PTPN23: variants seen among roughly 807,000 people sequenced by gnomAD.
PTPN23 encodes the protein protein tyrosine phosphatase non-receptor type 23.
A neutral mutation model predicts 156.3 loss-of-function variants in PTPN23; 72 were observed. The ratio of observed to expected loss-of-function variants is 0.46; its 90% CI spans 0.38 to 0.56. PTPN23 has a LOEUF of 0.56. Ranked by LOEUF, PTPN23 falls within the 20% of genes least tolerant of loss-of-function variation. The pLI is 0.00. For missense variants in PTPN23, 1,974 were observed against 2,171.5 expected (o/e 0.91, Z 1.81); for synonymous variants, 957 against 899.6 (o/e 1.06, Z -1.14).
Position 47,411,102 on chromosome 3 carries a change from C to G in PTPN23, c.3304C>G (p.Pro1102Ala). 6.2e-7 allele frequency: 1 copy of G among 1,604,816 alleles called. No individual in the cohort carries two copies. Among genetic ancestry groups the G allele is most frequent in the Non-Finnish European group, 8.5e-7 (1 of 1,176,652 alleles). The change falls in exon 20 of 25, where the codon CCA becomes GCA. Residue 1102 changes from proline to alanine, a missense_variant. Pro to Ala is a conservative substitution (Grantham distance 27, BLOSUM62 -1). Coordinates refer to ENST00000265562, the MANE Select transcript of PTPN23 (RefSeq NM_015466.4). This position sits in a 1 kb window ranked among gnomAD's most constrained non-coding sequence, Gnocchi z 6.3. ...PGPGPVPPRP[P>A]AAEPPPCLRR... ...GCCTGGTCCGGTACCCCCTCGCCCC[C>G]CAGCAGCAGAACCACCCCCTTGCCT...
At chr3:47,385,768 G>A (rs779845758) in intron 1 of PTPN23, among the ~76,000 whole-genome samples, 1 of 152,142 alleles carries the variant, frequency 6.6e-6, no homozygotes, top group African/African-American at 2.4e-5. Flanking sequence ...TGTACATCTG[G>A]CTGGTAGCCA....
rs1052685888 is a variant in PTPN23, at chr3:47,411,123, T to C, written c.3325T>C (p.Cys1109Arg). Residue 1109 changes from cysteine (C) to arginine (R), a missense_variant, in exon 20 of 25, where the codon TGC (cysteine) becomes CGC (arginine). Around this residue, in one of 4 missense-constraint regions of PTPN23, gnomAD observed 731 missense variants for 669.1 expected, o/e 1.09. Coordinates refer to ENST00000265562, the MANE Select transcript of PTPN23 (RefSeq NM_015466.4). The surrounding 1 kb of genome is among the most constrained non-coding windows in gnomAD (Gnocchi z 6.3). ...PRPPAAEPPP[C>R]LRRGAAAADL... ...CCCCCCAGCAGCAGAACCACCCCCT[T>C]GCCTGCGCCGAGGCGCCGCAGCTGC... 1 of 1,602,450 alleles carries C rather than the reference T, an allele frequency of 6.2e-7. No individual in the cohort carries two copies. Among genetic ancestry groups the C allele is most frequent in the African/African-American group, 1.3e-5 (1 of 74,464 alleles).
In PTPN23 at chr3:47,399,329, G is replaced by A. The variant is rs189149881; in HGVS notation, c.159+3112G>A. 9.7e-4 allele frequency among the ~76,000 whole-genome samples: 148 copies of A among 152,212 alleles called. 3 individuals carry two copies. The highest frequency in any genetic ancestry group is 3.3e-3 in the African/African-American group (139 of 41,524). ...GTACTGTCAAAGCCTTTGCCTAGAA[G>A]TTGCAAGCCTTTAATAGACTCCAGA... On this transcript the variant is annotated intron_variant, in intron 2 of 24. Transcript: ENST00000265562.
At position 47,407,761 on chromosome 3, in the gene PTPN23, C is replaced by A; in HGVS notation, c.1068C>A (p.Ile356=). 1 of 1,614,158 alleles carries A rather than the reference C, an allele frequency of 6.2e-7. No homozygotes were observed. Among genetic ancestry groups the A allele is most frequent in the African/African-American group, 1.3e-5 (1 of 75,050 alleles). ...ACCCAGCTGTTACAGGCCCTGACAT[C>A]TTTGCCAAACTGGTACCCATGGCTG... is the stretch of plus-strand genomic sequence containing the variant. ...PTDPAVTGPD[I]FAKLVPMAAH... The change falls in exon 13 of 25, where the codon ATC becomes ATA. Residue 356 remains isoleucine (I), a synonymous_variant. Coordinates refer to ENST00000265562, the MANE Select transcript of PTPN23 (RefSeq NM_015466.4). This position sits in a 1 kb window ranked among gnomAD's most constrained non-coding sequence, Gnocchi z 4.0.
chr3:47,409,852 G>C lies in PTPN23; in HGVS notation c.2129+18G>C, dbSNP rs1705221393. ...CTGGACAGGTTTGTGTGGCCCTGGG[G>C]CTGTGGTGCGGCTCGGGTCCAGACA... On this transcript the variant is annotated intron_variant, in intron 19 of 24. Coordinates refer to ENST00000265562, the MANE Select transcript of PTPN23 (RefSeq NM_015466.4). 1 of 1,605,800 alleles carries C rather than the reference G, an allele frequency of 6.2e-7. No individual in the cohort carries two copies.
In PTPN23 at chr3:47,396,236, CT is replaced by C. The variant is rs746022578; in HGVS notation, c.159+24del. On this transcript the variant is annotated intron_variant, in intron 2 of 24. Transcript: ENST00000265562. ...CAGACAGGTAGGAGGATAGTATTAT[CT>C]TTTTATGCATGGGTAGACAGGATTG... The C allele has an allele frequency of 1.6e-5, 25 of 1,588,870 alleles. No individual in the cohort carries two copies. Among genetic ancestry groups the C allele is most frequent in the Non-Finnish European group, 2.1e-5 (24 of 1,159,444 alleles).
intron 2 of PTPN23, among the ~76,000 whole-genome samples, chr3:47,403,936 G>C (rs1403381679): frequency 6.6e-6 from 1 of 152,152 alleles, no homozygotes; most frequent in Non-Finnish European, 1.5e-5. Context: ...TTTAGATACA[G>C]AACTGTAGGT....
In PTPN23 at chr3:47,408,976, A is replaced by C; in HGVS notation, c.1531A>C (p.Thr511Pro). The C allele has an allele frequency of 6.2e-7, 1 of 1,614,178 alleles. No homozygotes were observed. The highest frequency in any genetic ancestry group is 8.5e-7 in the Non-Finnish European group (1 of 1,180,020). Reference protein sequence around the residue: ...YMEVHEKASFTNSELHRAMNL... With the variant: ...YMEVHEKASFPNSELHRAMNL... Reference sequence around the variant, plus strand: ...GGAAGTCCATGAGAAGGCCTCCTTCACCAACAGTGAGCTGCACCGTGCCAT... The same window carrying C: ...GGAAGTCCATGAGAAGGCCTCCTTCCCCAACAGTGAGCTGCACCGTGCCAT... Residue 511 changes from threonine to proline, a missense_variant, in exon 16 of 25, where the codon ACC becomes CCC. Thr to Pro is a conservative substitution (Grantham distance 38). Transcript: ENST00000265562.
intron 1 of PTPN23, among the ~76,000 whole-genome samples, chr3:47,387,888 C>G (rs1180467223): frequency 5.9e-5 from 9 of 152,302 alleles, no homozygotes; most frequent in African/African-American, 2.2e-4. Context: ...ACTATCATTG[C>G]TTATCTGTGG....
intron 1 of PTPN23, among the ~76,000 whole-genome samples, chr3:47,390,241 AAAAAC>A (rs1275837402): frequency 1.3e-5 from 2 of 152,164 alleles, no homozygotes; most frequent in African/African-American, 2.4e-5. Flanking sequence ...TAAAAAAACA[AAAAAC>A]AAAAACCAAG....
chr3:47,395,554 C>G (rs953170116), intron 1 of PTPN23, among the ~76,000 whole-genome samples: 1 of 152,230 alleles, frequency 6.6e-6, no homozygotes, highest in Non-Finnish European at 1.5e-5. Context: ...AGTGCTCTCT[C>G]TGATGTGGGT....
At chr3:47,404,905 C>G in intron 3 of PTPN23, 100 bp from the exon 4 acceptor site, 1 of 1,583,964 alleles carries the variant, frequency 6.3e-7, no homozygotes, top group Non-Finnish European at 8.6e-7. Context: ...TCCCCCCAGG[C>G]CTCCCCACAT....
intron 1 of PTPN23, among the ~76,000 whole-genome samples, chr3:47,389,745 CAGG>C (rs1704729773): frequency 6.8e-6 from 1 of 148,040 alleles, no homozygotes; most frequent in Non-Finnish European, 1.5e-5. Flanking sequence ...GAGGCTGAGG[CAGG>C]AGAATGGCGT....
At position 47,409,555 on chromosome 3, in the gene PTPN23, G is replaced by A. The variant is rs76083258; in HGVS notation, c.1936G>A (p.Asp646Asn). 2.3e-5 allele frequency: 37 copies of A among 1,613,492 alleles called. No individual in the cohort carries two copies. The highest frequency in any genetic ancestry group is 1.8e-4 in the South Asian group (16 of 91,000). Residue 646 changes from aspartate (D) to asparagine (N), a missense_variant, in exon 18 of 25, where the codon GAC becomes AAC. This residue lies in a region of PTPN23 where 726 missense variants were observed against 929.5 expected (regional missense o/e 0.78). Coordinates refer to ENST00000265562, the MANE Select transcript of PTPN23 (RefSeq NM_015466.4). ...CGCAGCCGTGCGGCGGGTACTCAGC[G>A]ACTTGGACCAAAAGTCAGTGCCCAG... is the stretch of plus-strand genomic sequence containing the variant. ...QYAAVRRVLSDLDQKWNSTLQ... is the reference protein window; with the variant it reads ...QYAAVRRVLSNLDQKWNSTLQ...
Position 47,411,394 on chromosome 3 carries a change from A to G in PTPN23, c.3596A>G (p.Gln1199Arg). Residue 1199 changes from glutamine (Q) to arginine (R), a missense_variant, in exon 20 of 25, where the codon CAA becomes CGA. By Grantham distance (43) the Gln-to-Arg change is conservative. This residue lies in a region of PTPN23 where 731 missense variants were observed against 669.1 expected (regional missense o/e 1.09). Transcript: ENST00000265562. The surrounding 1 kb of genome is among the most constrained non-coding windows in gnomAD (Gnocchi z 6.3). ...GALDTVWREL[Q>R]DAQEHDARGR... ...CTGGACACTGTCTGGCGAGAGCTGC[A>G]AGATGCGCAGGAACATGATGCCCGA... 1 of 1,613,046 alleles carries G rather than the reference A, an allele frequency of 6.2e-7. No homozygotes were observed. Among genetic ancestry groups the G allele is most frequent in the Non-Finnish European group, 8.5e-7 (1 of 1,180,010 alleles).
At chr3:47,393,787 T>A (rs896233400) in intron 1 of PTPN23, among the ~76,000 whole-genome samples, 3 of 151,968 alleles carry the variant, frequency 2.0e-5, no homozygotes, top group Non-Finnish European at 4.4e-5. Flanking sequence ...TATTATTATT[T>A]TTGGAAACAG....
At position 47,407,005 on chromosome 3, in the gene PTPN23, G is replaced by T. The variant is rs949087347; in HGVS notation, c.808-125G>T. 1.5e-5 allele frequency: 19 copies of T among 1,297,102 alleles called. No individual in the cohort carries two copies. The highest frequency in any genetic ancestry group is 1.9e-4 in the Middle Eastern group (1 of 5,210). 80.3% of individuals were successfully genotyped at this position (1,297,102 alleles called of 1,614,324 possible). A position where few individuals can be genotyped will look rare whatever the true frequency, so the allele number is the denominator to read the frequency against. Reference sequence around the variant, plus strand: ...GCGCCACCTTGCTGCTGTTGGCTGGGGTGGTGCCCGGCTGCCTCCTGAGCT... The same window carrying T: ...GCGCCACCTTGCTGCTGTTGGCTGGTGTGGTGCCCGGCTGCCTCCTGAGCT... On this transcript the variant is annotated intron_variant, in intron 9 of 24. Coordinates refer to ENST00000265562, the MANE Select transcript of PTPN23 (RefSeq NM_015466.4). This position sits in a 1 kb window ranked among gnomAD's most constrained non-coding sequence, Gnocchi z 4.0.
Position 47,406,639 on chromosome 3 carries a change from G to GCAGGGCGGGGCTGAGTGGCCA in PTPN23, c.759+31_760-40dup. 6.2e-7 allele frequency: 1 copy of GCAGGGCGGGGCTGAGTGGCCA among 1,613,908 alleles called. No individual in the cohort carries two copies. The highest frequency in any genetic ancestry group is 8.5e-7 in the Non-Finnish European group (1 of 1,179,972). Reference sequence around the variant, plus strand: ...TGAGGGCCTGGGGCCCCAGGGCGGGGCAGGGCGGGGCTGAGTGGCCACAGC... The same window carrying GCAGGGCGGGGCTGAGTGGCCA: ...TGAGGGCCTGGGGCCCCAGGGCGGGGCAGGGCGGGGCTGAGTGGCCACAGGGCGGGGCTGAGTGGCCACAGC... On this transcript the variant is annotated intron_variant, in intron 8 of 24. Coordinates refer to ENST00000265562, the MANE Select transcript of PTPN23 (RefSeq NM_015466.4). The surrounding 1 kb of genome is among the most constrained non-coding windows in gnomAD (Gnocchi z 5.8).
chr3:47,410,270 C>T lies in PTPN23; in HGVS notation c.2472C>T (p.Ala824=), dbSNP rs367972360. The change falls in exon 20 of 25, where the codon GCC becomes GCT. Residue 824 remains alanine (A), a synonymous_variant. Transcript: ENST00000265562. ...CACCTGGGCCTGCCCTCTACCCAGCCCCTGCCTACACACCGGAGCTGGGCC... is the reference window on the plus strand; with the variant it reads ...CACCTGGGCCTGCCCTCTACCCAGCTCCTGCCTACACACCGGAGCTGGGCC... ...PVAPGPALYP[A]PAYTPELGLV... is the part of the protein sequence containing the mutation. 80 of 1,609,064 alleles carry T rather than the reference C, an allele frequency of 5.0e-5. No homozygotes were observed. The highest frequency in any genetic ancestry group is 6.5e-5 in the Non-Finnish European group (77 of 1,177,686).
Sources: gnomAD v4.1 joint callset for allele counts (sites outside exome capture counted in the v4.1 genomes callset) on GRCh38, gnomAD v4.1.1 for gene constraint, gnomAD v4.1.1 regional missense constraint, Gnocchi (gnomAD v3.1) non-coding constraint, MANE v1.5 for transcripts, NCBI Gene and HGNC (gene_info 2026-07-23, HGNC 2026-07-21) for gene names.